The following FBN1 variants were observed in gnomAD, a reference collection of about 807,000 sequenced individuals.
The protein encoded by FBN1 is fibrillin-1.
FBN1 carries 29 observed loss-of-function variants against 365.1 expected under a neutral mutation model. That is an observed-to-expected ratio of 0.08 (90% CI 0.06 to 0.11). FBN1 has a LOEUF of 0.11. FBN1 is among the 10% of genes least tolerant of loss of function. The pLI, the probability that FBN1 is intolerant of heterozygous loss-of-function variation, is 1.00. For synonymous variants in FBN1, 1,210 were observed against 1,270.5 expected, an observed-to-expected ratio of 0.95 and a Z score of 1.01; for missense variants, 2,476 against 3,703.2, an observed-to-expected ratio of 0.67 and a Z score of 8.60.
In FBN1 at chr15:48,430,580, G is replaced by C. The variant is rs377091168; in HGVS notation, c.6871+91C>G. 1.9e-4 allele frequency: 276 copies of C among 1,487,158 alleles called. 4 individuals are homozygous for C. In the South Asian group the frequency reaches 2.9e-3, roughly 16 times the overall value. The allele number at this position is 1,487,158 out of a possible 1,614,324, so 92.1% of individuals were successfully genotyped here. On this transcript the variant is annotated intron_variant, in intron 56 of 65. Coordinates refer to ENST00000316623, the MANE Select transcript of FBN1 (RefSeq NM_000138.5). ...AAGAGAACAAAATGGGTCTCGCCAA[G>C]AACAGTATCCCAAGAACTCAGAGCC...
rs1476399339 is a variant in FBN1 at position 48,645,187 on chromosome 15, T to C, written c.-181-237A>G. ...CCCGCCAGAAGAGCGCGGCGCAAAGTACCCATATCCCCAGCGGTCCTAAGC... is the reference window on the plus strand; with the variant it reads ...CCCGCCAGAAGAGCGCGGCGCAAAGCACCCATATCCCCAGCGGTCCTAAGC... On this transcript the variant is annotated intron_variant, in intron 1 of 65. Transcript: ENST00000316623. 3.9e-5 allele frequency among the ~76,000 whole-genome samples: 6 copies of C among 152,150 alleles called. No individual in the cohort carries two copies. The South Asian group carries it at 1.2e-3, about 32-fold the overall frequency.
At chr15:48,622,618 C>T (rs527960347) in intron 2 of FBN1, among the ~76,000 whole-genome samples, 12 of 152,228 alleles carry the variant, frequency 7.9e-5, no homozygotes, top group East Asian at 1.9e-4. Context: ...TCATATTCAC[C>T]GTGCTTATTT....
In FBN1 at chr15:48,434,676, A is replaced by T. The variant is rs770257902; in HGVS notation, c.6534T>A (p.Asn2178Lys). 63 of 1,613,646 alleles carry T rather than the reference A, an allele frequency of 3.9e-5. No homozygotes were observed. The highest frequency in any genetic ancestry group is 5.3e-5 in the Non-Finnish European group (63 of 1,179,724). ...CTCCAATCACATTCTTGCAGGTTCC[A>T]TTTCCACAAGGATTGCCAACAGAAC... ...DECSVGNPCG[N>K]GTCKNVIGGF... The change falls in exon 54 of 66, where the codon AAT (asparagine) becomes AAA (lysine). Residue 2178 changes from asparagine (N) to lysine (K), a missense_variant. By Grantham distance (94) the Asn-to-Lys change is moderately conservative. Coordinates refer to ENST00000316623, the MANE Select transcript of FBN1 (RefSeq NM_000138.5).
chr15:48,459,863 C>T (rs1301677498), intron 43 of FBN1, among the ~76,000 whole-genome samples: 2 of 152,160 alleles, frequency 1.3e-5, no homozygotes, highest in African/African-American at 4.8e-5. Context: ...ACAATCTACA[C>T]GTAAGGATTG....
chr15:48,456,713 A>G lies in FBN1; in HGVS notation c.5346T>C (p.Cys1782=), dbSNP rs1379766145. The G allele has an allele frequency of 6.2e-7, 1 of 1,613,746 alleles. No individual in the cohort carries two copies. ...EIPGVCENGV[C]INMVGSFRCE... ...ATCGGAAGCTGCCAACCATGTTGATACACACTCCATTTTCACAGACCCCTG... is the reference window on the plus strand; with the variant it reads ...ATCGGAAGCTGCCAACCATGTTGATGCACACTCCATTTTCACAGACCCCTG... The change falls in exon 44 of 66, where the codon TGT becomes TGC. Residue 1782 remains cysteine (C), a synonymous_variant. Transcript: ENST00000316623.
intron 4 of FBN1, among the ~76,000 whole-genome samples, chr15:48,603,645 C>T (rs529673535): frequency 6.6e-6 from 1 of 152,116 alleles, no homozygotes; most frequent in Non-Finnish European, 1.5e-5. Context: ...TTAAAAAAGC[C>T]AACTGAAACC....
intron 2 of FBN1, among the ~76,000 whole-genome samples, chr15:48,626,677 C>G (rs942464046): frequency 6.6e-6 from 1 of 151,684 alleles, no homozygotes; most frequent in Admixed American, 6.6e-5. Context: ...TTGAAATTAA[C>G]ACTTCACAAT....
chr15:48,590,618 G>A (rs1304360882), intron 6 of FBN1, among the ~76,000 whole-genome samples: 1 of 152,174 alleles, frequency 6.6e-6, no homozygotes, highest in African/African-American at 2.4e-5. Flanking sequence ...CCTAGCTGTT[G>A]TTTGTTCTAT....
intron 44 of FBN1, among the ~76,000 whole-genome samples, chr15:48,455,397 G>C (rs894530228): frequency 6.6e-6 from 1 of 152,156 alleles, no homozygotes; most frequent in African/African-American, 2.4e-5. Context: ...TGGTTAAAAG[G>C]TACCTGGGTA....
chr15:48,579,875 A>C (rs1430713464), intron 6 of FBN1, among the ~76,000 whole-genome samples: 1 of 152,210 alleles, frequency 6.6e-6, no homozygotes, highest in Non-Finnish European at 1.5e-5. Context: ...TACGACTAAA[A>C]GAATTGCCAC....
chr15:48,636,193 AG>A (rs1890087412), intron 2 of FBN1, among the ~76,000 whole-genome samples: 1 of 152,210 alleles, frequency 6.6e-6, no homozygotes, highest in African/African-American at 2.4e-5. Flanking sequence ...GTTTGAAGAA[AG>A]TCTGGTAGTT....
intron 2 of FBN1, among the ~76,000 whole-genome samples, chr15:48,622,372 C>A (rs1369601039): frequency 6.6e-6 from 1 of 152,134 alleles, no homozygotes; most frequent in Non-Finnish European, 1.5e-5. Flanking sequence ...CCACAGCATG[C>A]ATGGTAAGCT....
intron 2 of FBN1, among the ~76,000 whole-genome samples, chr15:48,626,005 T>A (rs948830052): frequency 6.6e-6 from 1 of 152,166 alleles, no homozygotes; most frequent in Non-Finnish European, 1.5e-5. Flanking sequence ...GTAGTGAGTA[T>A]TTAATTTATT....
chr15:48,631,049 A>T (rs1178396805), intron 2 of FBN1, among the ~76,000 whole-genome samples: 1 of 152,178 alleles, frequency 6.6e-6, no homozygotes, highest in Admixed American at 6.5e-5. Context: ...AGCGTATAGG[A>T]ACTCTACGAA....
chr15:48,469,519 T>A lies in FBN1; in HGVS notation c.4460-985A>T, dbSNP rs1472775468. Among the ~76,000 whole-genome samples the A allele has an allele frequency of 1.2e-4, 18 of 152,174 alleles. 1 individual carries two copies. The highest frequency in any genetic ancestry group is 1.2e-3 in the Admixed American group (18 of 15,278). On this transcript the variant is annotated intron_variant, in intron 36 of 65. Transcript: ENST00000316623. ...TCCACTCTGTACAATTCCTTTTGTCTGTTTTGAACACTCATGAAATACTCA... is the reference window on the plus strand; with the variant it reads ...TCCACTCTGTACAATTCCTTTTGTCAGTTTTGAACACTCATGAAATACTCA...
chr15:48,460,394 T>A, intron 42 of FBN1, 77 bp from the exon 43 acceptor site: 2 of 884,610 alleles, frequency 2.3e-6, no homozygotes, highest in East Asian at 4.9e-5. Context: ...AAAAATTATT[T>A]TGTAAGCATT....
At chr15:48,554,834 A>G (rs529016986) in intron 6 of FBN1, among the ~76,000 whole-genome samples, 2 of 152,302 alleles carry the variant, frequency 1.3e-5, no homozygotes, top group African/African-American at 4.8e-5. Flanking sequence ...TCTGATCCAC[A>G]GTTTTCTTAA....
chr15:48,508,728 T>G (rs766380318), intron 14 of FBN1, 24 bp from the exon 15 acceptor site: 1 of 1,613,004 alleles, frequency 6.2e-7, no homozygotes, highest in Non-Finnish European at 8.5e-7. Flanking sequence ...ACATACATTT[T>G]CTTATGACCA....
At chr15:48,484,078 C>T in intron 30 of FBN1, 135 bp from the exon 31 acceptor site, 3 of 908,490 alleles carry the variant, frequency 3.3e-6, no homozygotes, top group South Asian at 2.9e-5. Context: ...CCAAATGAAG[C>T]TTTGCATAAA....
Sources: allele counts gnomAD v4.1 joint callset (sites outside exome capture counted in the v4.1 genomes callset), GRCh38; gene constraint gnomAD v4.1.1; transcripts MANE v1.5; gene names NCBI Gene and HGNC (gene_info 2026-07-23, HGNC 2026-07-21).